LINGO2: variants seen among roughly 807,000 people sequenced by gnomAD.
LINGO2 encodes leucine-rich repeat and immunoglobulin-like domain-containing nogo receptor-interacting protein 2.
In LINGO2, 14 loss-of-function variants were observed where a neutral mutation model predicts 30.6. The observed-to-expected ratio is 0.46, with a 90% CI of 0.30 to 0.72. The LOEUF is 0.72. LINGO2 is among the 30% of genes least tolerant of loss of function. LINGO2 has a pLI of 0.07. For synonymous variants in LINGO2, 317 were observed against 288.5 expected, an observed-to-expected ratio of 1.10 and a Z score of -1.00; for missense variants, 729 against 751.7, an observed-to-expected ratio of 0.97 and a Z score of 0.35.
chr9:28,381,581 AG>A (rs1821360695), intron 2 of LINGO2, among the ~76,000 whole-genome samples: 1 of 151,938 alleles, frequency 6.6e-6, no homozygotes, highest in Non-Finnish European at 1.5e-5. Context: ...TGTCTGAATC[AG>A]CACCATCAAT....
At chr9:28,501,571 A>C (rs1819887282) in intron 1 of LINGO2, among the ~76,000 whole-genome samples, 1 of 152,136 alleles carries the variant, frequency 6.6e-6, no homozygotes, top group Admixed American at 6.6e-5. Context: ...TGTGAATGTG[A>C]ATTTATTACA....
At chr9:28,863,784 C>T in the LINGO2 span, 1 of 378,352 alleles carries the variant, frequency 2.6e-6, no homozygotes, top group Non-Finnish European at 6.0e-6. Context: ...GAAGTATTTC[C>T]ATCTAGTTCA....
At chr9:28,045,383 C>T (rs1045717050) in intron 4 of LINGO2, among the ~76,000 whole-genome samples, 15 of 152,042 alleles carry the variant, frequency 9.9e-5, no homozygotes, top group Admixed American at 7.9e-4. Context: ...TCAAGTTTTC[C>T]GAATTACCTA....
At chr9:28,679,855 G>A in the LINGO2 span, among the ~76,000 whole-genome samples, 1 of 151,552 alleles carries the variant, frequency 6.6e-6, no homozygotes, top group Non-Finnish European at 1.5e-5. Context: ...TCAAGTACAT[G>A]TTTCAAAATA....
intron 1 of LINGO2, among the ~76,000 whole-genome samples, chr9:28,655,995 G>A (rs1456590857): frequency 1.3e-5 from 2 of 152,056 alleles, no homozygotes; most frequent in African/African-American, 4.8e-5. Context: ...TAACCACAAT[G>A]CCAAGTGACA....
intron 3 of LINGO2, among the ~76,000 whole-genome samples, chr9:28,336,562 C>T (rs1825596162): frequency 6.6e-6 from 1 of 152,088 alleles, no homozygotes; most frequent in Non-Finnish European, 1.5e-5. Flanking sequence ...CTTAGATCTA[C>T]AATCCACTTT....
intron 2 of LINGO2, among the ~76,000 whole-genome samples, chr9:28,420,317 C>G (rs1163086816): frequency 6.6e-6 from 1 of 152,052 alleles, no homozygotes; most frequent in Non-Finnish European, 1.5e-5. Context: ...CAGCAGGTGA[C>G]ATTTTCTTAT....
the LINGO2 span, among the ~76,000 whole-genome samples, chr9:28,926,805 C>G: frequency 2.0e-5 from 3 of 152,238 alleles, no homozygotes; most frequent in Non-Finnish European, 4.4e-5. Flanking sequence ...GAACTGTATT[C>G]TCAGTTATTC....
At chr9:28,930,495 A>G in the LINGO2 span, among the ~76,000 whole-genome samples, 1 of 152,212 alleles carries the variant, frequency 6.6e-6, no homozygotes, top group African/African-American at 2.4e-5. This position sits in a 1 kb window ranked among gnomAD's most constrained non-coding sequence, Gnocchi z 4.2. Flanking sequence ...GACATTGACT[A>G]TGTGATAAGA....
chr9:29,025,507 G>C, the LINGO2 span, among the ~76,000 whole-genome samples: 1 of 152,024 alleles, frequency 6.6e-6, no homozygotes. Flanking sequence ...TTATCCAAGA[G>C]CCCTGCAGAT....
At chr9:27,990,531 T>C (rs561028543) in intron 5 of LINGO2, among the ~76,000 whole-genome samples, 1 of 146,480 alleles carries the variant, frequency 6.8e-6, no homozygotes, top group Admixed American at 7.0e-5. Context: ...CAATGGAATA[T>C]AATATATGAA....
chr9:28,575,740 C>T (rs1042062851), intron 1 of LINGO2, among the ~76,000 whole-genome samples: 2 of 152,008 alleles, frequency 1.3e-5, no homozygotes, highest in Non-Finnish European at 2.9e-5. Flanking sequence ...AATACAAATA[C>T]GTCTTATTTT....
At chr9:28,879,709 C>G in the LINGO2 span, among the ~76,000 whole-genome samples, 1 of 152,180 alleles carries the variant, frequency 6.6e-6, no homozygotes, top group Non-Finnish European at 1.5e-5. Flanking sequence ...AGCTAACATG[C>G]TAAGTATGTG....
At chr9:28,670,911 T>C (rs570670415), upstream of LINGO2, among the ~76,000 whole-genome samples, 1 of 152,254 alleles carries the variant, frequency 6.6e-6, no homozygotes, top group South Asian at 2.1e-4. Context: ...AGATACTATA[T>C]AGTATATACA....
the LINGO2 span, among the ~76,000 whole-genome samples, chr9:29,025,300 G>C: frequency 6.6e-6 from 1 of 152,028 alleles, no homozygotes; most frequent in African/African-American, 2.4e-5. Flanking sequence ...TTTGCAAATA[G>C]TAAAATATTA....
the LINGO2 span, among the ~76,000 whole-genome samples, chr9:28,870,075 G>A: frequency 0.14 from 21,279 of 150,684 alleles, 2,182 homozygotes; most frequent in African/African-American, 0.29. Flanking sequence ...TTCACTCTTT[G>A]AAGGATTTGT....
the LINGO2 span, among the ~76,000 whole-genome samples, chr9:29,015,632 A>G: frequency 6.6e-6 from 1 of 152,166 alleles, no homozygotes. Flanking sequence ...TGTCAACCAT[A>G]GTGAAGTGTT....
At chr9:28,189,088 T>G (rs2133755185) in intron 4 of LINGO2, among the ~76,000 whole-genome samples, 2 of 152,116 alleles carry the variant, frequency 1.3e-5, no homozygotes, top group Middle Eastern at 6.8e-3. Context: ...AACTTTTGTC[T>G]TAGGTACAGG....
intron 3 of LINGO2, among the ~76,000 whole-genome samples, chr9:28,308,419 C>CA (rs1824461295): frequency 7.1e-6 from 1 of 140,822 alleles, no homozygotes; most frequent in Non-Finnish European, 1.5e-5. Flanking sequence ...ACACCTTATA[C>CA]AAAAATTAAT....
Sources: allele counts gnomAD v4.1 joint callset (sites outside exome capture counted in the v4.1 genomes callset), GRCh38; gene constraint gnomAD v4.1.1; non-coding constraint Gnocchi (gnomAD v3.1); transcripts MANE v1.5; gene names NCBI Gene and HGNC (gene_info 2026-07-23, HGNC 2026-07-21).